The following COL19A1 variants were observed in gnomAD, a reference collection of about 807,000 sequenced individuals.
COL19A1 encodes collagen type XIX alpha 1 chain.
COL19A1 carries 159 observed loss-of-function variants against 190.2 expected under a neutral mutation model. The ratio of observed to expected loss-of-function variants is 0.84; its 90% CI spans 0.73 to 0.95. COL19A1 has a LOEUF of 0.95. Ranked by LOEUF, COL19A1 falls within the 40% of genes least tolerant of loss-of-function variation. The pLI is 0.00. For missense variants in COL19A1, 1,418 were observed against 1,431.9 expected, an observed-to-expected ratio of 0.99 and a Z score of 0.16; for synonymous variants, 509 against 458.9, an observed-to-expected ratio of 1.11 and a Z score of -1.39.
At chr6:70,063,276 A>T (rs148405480) in intron 14 of COL19A1, among the ~76,000 whole-genome samples, 6,592 of 152,206 alleles carry the variant, frequency 0.043, 463 homozygotes, top group African/African-American at 0.15. Context: ...ATCACAACAA[A>T]CTGTCTCTCA....
intron 13 of COL19A1, 132 bp downstream of exon 13, chr6:70,034,430 C>T (rs1779235020): frequency 3.0e-6 from 2 of 665,608 alleles, no homozygotes; most frequent in Non-Finnish European, 5.4e-6. Context: ...ACCTTAATAG[C>T]ATCTGAATAA....
chr6:70,198,078 A>G (rs3806063), intron 48 of COL19A1, among the ~76,000 whole-genome samples: 2,133 of 152,340 alleles, frequency 0.014, 78 homozygotes, highest in East Asian at 0.13. Context: ...AAAGATACAT[A>G]TCTGTTTAAG....
intron 48 of COL19A1, among the ~76,000 whole-genome samples, chr6:70,192,483 C>A (rs1341602521): frequency 6.7e-6 from 1 of 149,732 alleles, no homozygotes; most frequent in East Asian, 1.9e-4. Context: ...TTCTTTATTT[C>A]TCTCTCTCTC....
intron 2 of COL19A1, 123 bp from the exon 3 acceptor site, chr6:69,898,825 A>G (rs1305785481): frequency 6.1e-6 from 4 of 650,916 alleles, no homozygotes; most frequent in Non-Finnish European, 1.1e-5. Context: ...TCTTATCCTC[A>G]TTTTACAGAA....
intron 17 of COL19A1, among the ~76,000 whole-genome samples, chr6:70,123,308 A>G (rs1354659225): frequency 6.6e-6 from 1 of 152,058 alleles, no homozygotes; most frequent in East Asian, 1.9e-4. Flanking sequence ...TCAGGAAACA[A>G]CAGGTGCTAG....
chr6:69,876,706 C>T (rs1239521112), intron 1 of COL19A1, among the ~76,000 whole-genome samples: 1 of 152,120 alleles, frequency 6.6e-6, no homozygotes, highest in Non-Finnish European at 1.5e-5. Context: ...CAATAGAAAT[C>T]ACTTTTGGTT....
intron 11 of COL19A1, among the ~76,000 whole-genome samples, chr6:70,004,970 C>G (rs937850239): frequency 6.6e-6 from 1 of 151,866 alleles, no homozygotes; most frequent in Non-Finnish European, 1.5e-5. Flanking sequence ...GTAGCTGGGA[C>G]TACAGGTGCC....
At chr6:69,989,810 C>A (rs1258249011) in intron 11 of COL19A1, among the ~76,000 whole-genome samples, 2 of 152,082 alleles carry the variant, frequency 1.3e-5, no homozygotes, top group Non-Finnish European at 2.9e-5. Context: ...CTTTACCTTC[C>A]TCTACTTTAG....
chr6:69,949,900 A>G (rs1358878835), intron 9 of COL19A1, among the ~76,000 whole-genome samples: 3 of 151,870 alleles, frequency 2.0e-5, no homozygotes, highest in Non-Finnish European at 4.4e-5. Context: ...CATATGTACA[A>G]TACCATAGAA....
At chr6:70,027,503 C>T (rs1778790661) in intron 12 of COL19A1, among the ~76,000 whole-genome samples, 1 of 151,882 alleles carries the variant, frequency 6.6e-6, no homozygotes, top group African/African-American at 2.4e-5. Flanking sequence ...AGTAGCAGCC[C>T]CTAGTCATTG....
chr6:70,180,540 A>G lies in COL19A1; in HGVS notation c.2775+17A>G, dbSNP rs757285886. 3.1e-6 allele frequency: 5 copies of G among 1,608,772 alleles called. No homozygotes were observed. Among genetic ancestry groups the G allele is most frequent in the Non-Finnish European group, 4.3e-6 (5 of 1,175,290 alleles). On this transcript the variant is annotated intron_variant, in intron 44 of 50. Coordinates refer to ENST00000620364, the MANE Select transcript of COL19A1 (RefSeq NM_001858.6). Reference sequence around the variant, plus strand: ...GGAAAGCCAGTAAGTACTTCTTACTACTTAAAATATGCCACCTAGAGAAAT... The same window carrying G: ...GGAAAGCCAGTAAGTACTTCTTACTGCTTAAAATATGCCACCTAGAGAAAT...
intron 11 of COL19A1, among the ~76,000 whole-genome samples, chr6:70,023,002 A>G (rs1778501662): frequency 6.6e-6 from 1 of 152,192 alleles, no homozygotes; most frequent in East Asian, 1.9e-4. Flanking sequence ...TCACTGGCCC[A>G]AATGAAATGA....
rs1405770244 is a variant in COL19A1 at position 69,938,062 on chromosome 6, C to T, written c.898C>T (p.Pro300Ser). The change falls in exon 9 of 51, where the codon CCG becomes TCG. Residue 300 changes from proline to serine, a missense_variant. Transcript: ENST00000620364. ...GGGAGAAGCAGGATTACCAGGAGCT[C>T]CGGGTTCACCTGGGCAGAAAGGGCA... ...NKGEAGLPGA[P>S]GSPGQKGHKG... 3 of 1,612,512 alleles carry T rather than the reference C, an allele frequency of 1.9e-6. No homozygotes were observed. Among genetic ancestry groups the T allele is most frequent in the Non-Finnish European group, 2.5e-6 (3 of 1,179,188 alleles).
intron 16 of COL19A1, among the ~76,000 whole-genome samples, chr6:70,107,939 T>A (rs868827502): frequency 6.6e-5 from 10 of 152,174 alleles, no homozygotes; most frequent in Admixed American, 2.0e-4. Flanking sequence ...TTGTCTTTTT[T>A]AAAAACCTTC....
chr6:69,965,782 C>CCA (rs1381994029), intron 11 of COL19A1, among the ~76,000 whole-genome samples: 1 of 152,096 alleles, frequency 6.6e-6, no homozygotes, highest in African/African-American at 2.4e-5. Context: ...AGGAATGACC[C>CCA]CATCCCACTT....
intron 17 of COL19A1, among the ~76,000 whole-genome samples, chr6:70,123,164 T>G (rs9454977): frequency 0.42 from 64,196 of 151,706 alleles, 13,811 homozygotes; most frequent in South Asian, 0.53. Context: ...AACAGACACT[T>G]CTCAAAAGAA....
intron 11 of COL19A1, among the ~76,000 whole-genome samples, chr6:69,972,507 T>C (rs1775489518): frequency 1.3e-5 from 2 of 152,226 alleles, no homozygotes; most frequent in African/African-American, 4.8e-5. Flanking sequence ...GAAAGTTAAG[T>C]AGTGTTTCTT....
intron 15 of COL19A1, among the ~76,000 whole-genome samples, chr6:70,085,911 A>G (rs2150169526): frequency 6.6e-6 from 1 of 152,360 alleles, no homozygotes; most frequent in East Asian, 1.9e-4. Context: ...TCAGCTGGAT[A>G]AATTGAAATG....
In COL19A1 at chr6:69,936,821, T is replaced by G; in HGVS notation, c.784T>G (p.Ser262Ala). ...EQDGFGNIAS[S>A]WVTAHASKMS... ...GGATGGCTTTGGAAATATTGCATCA[T>G]CATGGGTAACTGCTCATGCCAGTAA... The change falls in exon 8 of 51, where the codon TCA (serine) becomes GCA (alanine). Residue 262 changes from serine (S) to alanine (A), a missense_variant. Ser to Ala is a moderately conservative substitution (Grantham distance 99). Coordinates refer to ENST00000620364, the MANE Select transcript of COL19A1 (RefSeq NM_001858.6). 2 of 1,613,124 alleles carry G rather than the reference T, an allele frequency of 1.2e-6. No individual in the cohort carries two copies. The highest frequency in any genetic ancestry group is 1.7e-6 in the Non-Finnish European group (2 of 1,179,284).
Sources: gnomAD v4.1 joint callset for allele counts (sites outside exome capture counted in the v4.1 genomes callset) on GRCh38, gnomAD v4.1.1 for gene constraint, MANE v1.5 for transcripts, NCBI Gene and HGNC (gene_info 2026-07-23, HGNC 2026-07-21) for gene names.